Variants in ZFPM2 observed in about 807,000 individuals in gnomAD.
ZFPM2 encodes the protein zinc finger protein, FOG family member 2.
Under a neutral mutation model 98.6 loss-of-function variants are expected in ZFPM2, and 20 were observed. The observed-to-expected ratio is 0.20, with a 90% CI of 0.14 to 0.29. The LOEUF is 0.29. ZFPM2 is among the 10% of genes least tolerant of loss of function. The pLI is 1.00. For missense variants in ZFPM2, 1,310 were observed against 1,388.6 expected (o/e 0.94, Z 0.90); for synonymous variants, 518 against 502.7 (o/e 1.03, Z -0.41).
chr8:105,634,379 T>C (rs778166388), intron 5 of ZFPM2, 22 bp downstream of exon 5: 4 of 1,577,752 alleles, frequency 2.5e-6, no homozygotes, highest in Non-Finnish European at 2.6e-6. Context: ...ATTGTTTCCC[T>C]CTCTCTTTGG....
intron 6 of ZFPM2, among the ~76,000 whole-genome samples, chr8:105,793,288 C>CA (rs1813682290): frequency 6.6e-6 from 1 of 152,010 alleles, no homozygotes; most frequent in Admixed American, 6.6e-5. Flanking sequence ...CTGGTGGTGA[C>CA]AAAATCTCTC....
At chr8:105,649,961 A>G (rs1271148279) in intron 5 of ZFPM2, among the ~76,000 whole-genome samples, 1 of 152,182 alleles carries the variant, frequency 6.6e-6, no homozygotes, top group Non-Finnish European at 1.5e-5. Context: ...GAATGGTACC[A>G]GCTCCTCCTT....
intron 3 of ZFPM2, among the ~76,000 whole-genome samples, chr8:105,474,102 C>G (rs1812964092): frequency 1.3e-5 from 2 of 152,208 alleles, no homozygotes; most frequent in Non-Finnish European, 2.9e-5. Context: ...AACAAAGTGA[C>G]TAAGCGAGGT....
intron 3 of ZFPM2, among the ~76,000 whole-genome samples, chr8:105,526,295 C>T (rs569285637): frequency 6.6e-6 from 1 of 152,184 alleles, no homozygotes; most frequent in South Asian, 2.1e-4. Context: ...AGTTGAACTT[C>T]CTGCATATGT....
chr8:105,667,437 A>G (rs1237885623), intron 5 of ZFPM2, among the ~76,000 whole-genome samples: 3 of 152,208 alleles, frequency 2.0e-5, no homozygotes, highest in African/African-American at 4.8e-5. Flanking sequence ...TGATTCATTC[A>G]AAATGCAACC....
chr8:105,641,211 C>G (rs1015431284), intron 5 of ZFPM2, among the ~76,000 whole-genome samples: 1 of 152,088 alleles, frequency 6.6e-6, no homozygotes, highest in Non-Finnish European at 1.5e-5. Context: ...CAGCTCAGAG[C>G]TGCAGTGTAA....
chr8:105,665,968 G>A (rs1450012052), intron 5 of ZFPM2, among the ~76,000 whole-genome samples: 1 of 152,084 alleles, frequency 6.6e-6, no homozygotes, highest in Non-Finnish European at 1.5e-5. Flanking sequence ...AAATCATAAA[G>A]AATCATAATT....
At chr8:105,541,123 G>T (rs2130625088) in intron 3 of ZFPM2, among the ~76,000 whole-genome samples, 1 of 152,204 alleles carries the variant, frequency 6.6e-6, no homozygotes, top group East Asian at 1.9e-4. Flanking sequence ...AAGGAAGGGA[G>T]GGCCTCCTTT....
chr8:105,790,375 T>C (rs1813567459), intron 6 of ZFPM2, among the ~76,000 whole-genome samples: 1 of 152,228 alleles, frequency 6.6e-6, no homozygotes, highest in African/African-American at 2.4e-5. Context: ...TTCTGAGGTT[T>C]GTCAAAGATC....
At chr8:105,795,350 G>GTC (rs1288690745) in intron 6 of ZFPM2, among the ~76,000 whole-genome samples, 4 of 137,770 alleles carry the variant, frequency 2.9e-5, no homozygotes, top group South Asian at 2.2e-4. Context: ...ATTCCTGAAT[G>GTC]TCACACACAC....
chr8:105,427,687 A>G (rs1811942290), intron 2 of ZFPM2, among the ~76,000 whole-genome samples: 1 of 152,212 alleles, frequency 6.6e-6, no homozygotes, highest in Non-Finnish European at 1.5e-5. Context: ...CTGTGGTGCG[A>G]TGAATTTAAG....
At chr8:105,776,674 A>G (rs142701153) in intron 5 of ZFPM2, among the ~76,000 whole-genome samples, 108 of 152,344 alleles carry the variant, frequency 7.1e-4, no homozygotes, top group African/African-American at 2.4e-3. Context: ...AAATAGTCAC[A>G]TAAGTAATCA....
chr8:105,538,873 G>A (rs1321752506), intron 3 of ZFPM2, among the ~76,000 whole-genome samples: 1 of 152,060 alleles, frequency 6.6e-6, no homozygotes, highest in South Asian at 2.1e-4. Context: ...AAATTAGCCA[G>A]GTATGCTAGT....
intron 5 of ZFPM2, among the ~76,000 whole-genome samples, chr8:105,642,166 G>A (rs1367252087): frequency 6.6e-6 from 1 of 151,910 alleles, no homozygotes; most frequent in Non-Finnish European, 1.5e-5. Context: ...TTCAGGGTAA[G>A]ATACTGAGAA....
chr8:105,489,614 C>A (rs1238542148), intron 3 of ZFPM2, among the ~76,000 whole-genome samples: 1 of 151,284 alleles, frequency 6.6e-6, no homozygotes, highest in Non-Finnish European at 1.5e-5. Flanking sequence ...CAGGTGCATG[C>A]CACCATGCCT....
At chr8:105,399,471 C>T (rs1811291748) in intron 1 of ZFPM2, among the ~76,000 whole-genome samples, 1 of 152,138 alleles carries the variant, frequency 6.6e-6, no homozygotes, top group African/African-American at 2.4e-5. Context: ...TCAATTACGA[C>T]TCCTCACTTT....
chr8:105,740,287 A>G (rs1468438596), intron 5 of ZFPM2, among the ~76,000 whole-genome samples: 2 of 151,970 alleles, frequency 1.3e-5, no homozygotes, highest in Non-Finnish European at 2.9e-5. Flanking sequence ...AGAGGAACAA[A>G]AATAATTGGT....
intron 5 of ZFPM2, among the ~76,000 whole-genome samples, chr8:105,775,416 CA>C (rs772222966): frequency 5.3e-5 from 8 of 151,970 alleles, no homozygotes; most frequent in Non-Finnish European, 8.8e-5. Context: ...GTGTGGAATG[CA>C]ATCAGATTAT....
intron 5 of ZFPM2, among the ~76,000 whole-genome samples, chr8:105,659,715 A>T (rs1037311103): frequency 1.4e-4 from 21 of 152,340 alleles, no homozygotes; most frequent in African/African-American, 5.1e-4. Flanking sequence ...CCTTGCCGGA[A>T]TATAATTTTA....
Sources: allele counts gnomAD v4.1 joint callset (sites outside exome capture counted in the v4.1 genomes callset), GRCh38; gene constraint gnomAD v4.1.1; transcripts MANE v1.5; gene names NCBI Gene and HGNC (gene_info 2026-07-23, HGNC 2026-07-21).